ZNF678: variants seen among roughly 807,000 people sequenced by gnomAD.
ZNF678 encodes the protein hypothetical protein MGC42493.
ZNF678 carries 5 observed loss-of-function variants against 3.0 expected under a neutral mutation model. The ratio of observed to expected loss-of-function variants is 1.69; its 90% CI spans 0.88 to 3.56. The LOEUF is 3.56. Among genes scored for constraint, ZNF678 ranks in the 30% most tolerant of loss-of-function variants. The pLI, the probability that ZNF678 is intolerant of heterozygous loss-of-function variation, is 0.00. For missense variants in ZNF678, 593 were observed against 605.0 expected, an observed-to-expected ratio of 0.98 and a Z score of 0.21; for synonymous variants, 218 against 199.6, an observed-to-expected ratio of 1.09 and a Z score of -0.78.
At chr1:227,592,672 C>G (rs1657447281) in intron 1 of ZNF678, among the ~76,000 whole-genome samples, 1 of 152,178 alleles carries the variant, frequency 6.6e-6, no homozygotes, top group African/African-American at 2.4e-5. Flanking sequence ...TATTTGATTT[C>G]AAGCTTTAAA....
chr1:227,623,199 A>G (rs1658322850), intron 1 of ZNF678, among the ~76,000 whole-genome samples: 1 of 152,250 alleles, frequency 6.6e-6, no homozygotes, highest in East Asian at 1.9e-4. Flanking sequence ...TATATTCCCA[A>G]TACCAAGCAT....
chr1:227,656,647 G>T lies in ZNF678; in HGVS notation c.*819G>T, dbSNP rs1659257129. The T allele has an allele frequency of 6.6e-6, 1 of 151,766 alleles. No homozygotes were observed. Among genetic ancestry groups the T allele is most frequent in the African/African-American group, 2.4e-5 (1 of 41,384 alleles). The allele number at this position is 151,766 out of a possible 1,614,324, so 9.4% of individuals were successfully genotyped here. A position where few individuals can be genotyped will look rare whatever the true frequency, so the allele number is the denominator to read the frequency against. On this transcript the variant is annotated 3_prime_UTR_variant, in exon 4 of 4. Coordinates refer to ENST00000343776, the MANE Select transcript of ZNF678 (RefSeq NM_001367909.1). ...CTAAGTAGAAATGCTTTTTGTTGAT[G>T]TATAACAGTGTTTTAAGTAACACAT...
At chr1:227,592,194 C>T (rs143525061) in intron 1 of ZNF678, among the ~76,000 whole-genome samples, 2,111 of 152,272 alleles carry the variant, frequency 0.014, 54 homozygotes, top group African/African-American at 0.047. Context: ...AGTGGTTATG[C>T]GGGGATTTTC....
intron 1 of ZNF678, among the ~76,000 whole-genome samples, chr1:227,602,470 G>A (rs1657759808): frequency 6.6e-6 from 1 of 151,922 alleles, no homozygotes; most frequent in South Asian, 2.1e-4. Flanking sequence ...TGTTTCATCA[G>A]AGATTTCAAG....
chr1:227,609,537 T>A (rs780175794), intron 1 of ZNF678, among the ~76,000 whole-genome samples: 8 of 152,198 alleles, frequency 5.3e-5, no homozygotes, highest in Non-Finnish European at 1.2e-4. Flanking sequence ...TGTTTTAAAA[T>A]ACGTAGATAC....
At chr1:227,585,422 TC>T (rs779491541) in intron 1 of ZNF678, among the ~76,000 whole-genome samples, 10 of 152,132 alleles carry the variant, frequency 6.6e-5, no homozygotes, top group African/African-American at 9.7e-5. Flanking sequence ...TGTGGAGAAA[TC>T]AGGCAAACTG....
chr1:227,633,967 T>G (rs994008143), intron 1 of ZNF678, among the ~76,000 whole-genome samples: 14 of 152,160 alleles, frequency 9.2e-5, no homozygotes, highest in African/African-American at 3.1e-4. Context: ...AGAGACCCCT[T>G]CCTTCCACTT....
intron 1 of ZNF678, among the ~76,000 whole-genome samples, chr1:227,590,050 G>A (rs945858857): frequency 3.3e-5 from 5 of 151,824 alleles, no homozygotes; most frequent in Admixed American, 6.6e-5. Context: ...GTGAACTAGA[G>A]TAGCGATGAA....
At chr1:227,606,811 G>A (rs975544941) in intron 1 of ZNF678, among the ~76,000 whole-genome samples, 26 of 152,136 alleles carry the variant, frequency 1.7e-4, no homozygotes, top group Admixed American at 1.6e-3. Context: ...CAGACATATT[G>A]TTAACAAGGC....
downstream of ZNF678, among the ~76,000 whole-genome samples, chr1:227,677,717 T>G (rs962258230): frequency 2.0e-5 from 3 of 152,180 alleles, no homozygotes; most frequent in African/African-American, 7.2e-5. Context: ...ATAAATATCT[T>G]TTCCCTGAAC....
chr1:227,616,316 T>C (rs1658139402), intron 1 of ZNF678, among the ~76,000 whole-genome samples: 1 of 152,130 alleles, frequency 6.6e-6, no homozygotes, highest in East Asian at 1.9e-4. Context: ...AAGGCATATA[T>C]ATAGGGTGAA....
intron 2 of ZNF678, among the ~76,000 whole-genome samples, chr1:227,649,364 G>A (rs1460215022): frequency 6.6e-6 from 1 of 152,060 alleles, no homozygotes; most frequent in African/African-American, 2.4e-5. Context: ...GCTGTGTTGT[G>A]TTTGAGATGG....
At chr1:227,653,639 G>A (rs1029845142) in intron 3 of ZNF678, among the ~76,000 whole-genome samples, 1 of 152,016 alleles carries the variant, frequency 6.6e-6, no homozygotes, top group Non-Finnish European at 1.5e-5. Context: ...TATTTGCCAG[G>A]CTGGAGATTC....
At chr1:227,633,448 G>A (rs1036384981) in intron 1 of ZNF678, among the ~76,000 whole-genome samples, 13 of 152,108 alleles carry the variant, frequency 8.5e-5, no homozygotes, top group African/African-American at 2.9e-4. Flanking sequence ...CTGATTGGTC[G>A]GGTGTGAGCT....
chr1:227,615,578 C>T (rs1658123364), intron 1 of ZNF678, among the ~76,000 whole-genome samples: 1 of 152,216 alleles, frequency 6.6e-6, no homozygotes, highest in African/African-American at 2.4e-5. Flanking sequence ...TCCGAACCTA[C>T]TACCAAGTCC....
rs1281895574 is a variant in ZNF678 at position 227,659,360 on chromosome 1, G to C, written c.*3532G>C. ...GTATTAAAAAACTCAGAGATCTAGA[G>C]AGCTTTTGGATTGAAATATTTCCTT... On this transcript the variant is annotated 3_prime_UTR_variant, in exon 4 of 4. Transcript: ENST00000343776. 6.6e-6 allele frequency: 1 copy of C among 152,084 alleles called. No individual in the cohort carries two copies. The highest frequency in any genetic ancestry group is 6.6e-5 in the Admixed American group (1 of 15,262). 9.4% of individuals were successfully genotyped at this position (152,084 alleles called of 1,614,324 possible).
At chr1:227,634,240 A>C (rs1571902393) in intron 1 of ZNF678, among the ~76,000 whole-genome samples, 2 of 152,216 alleles carry the variant, frequency 1.3e-5, no homozygotes, top group East Asian at 3.9e-4. Context: ...TACTACACTC[A>C]GGACTTCAGG....
intron 1 of ZNF678, among the ~76,000 whole-genome samples, chr1:227,609,658 C>G (rs1657965458): frequency 1.3e-5 from 2 of 152,104 alleles, no homozygotes; most frequent in Admixed American, 1.3e-4. Context: ...TTTAATCCAA[C>G]ATCAATATTT....
chr1:227,566,283 A>AC (rs1163952201), intron 1 of ZNF678, among the ~76,000 whole-genome samples: 1 of 151,952 alleles, frequency 6.6e-6, no homozygotes, highest in African/African-American at 2.4e-5. Context: ...TAAAAAGCTA[A>AC]CCCCTTAGAC....
Sources: allele counts gnomAD v4.1 joint callset (sites outside exome capture counted in the v4.1 genomes callset), GRCh38; gene constraint gnomAD v4.1.1; transcripts MANE v1.5; gene names NCBI Gene and HGNC (gene_info 2026-07-23, HGNC 2026-07-21).